The following MBNL2 variants were observed in gnomAD, a reference collection of about 807,000 sequenced individuals.
MBNL2 encodes the protein muscleblind-like protein 2.
Under a neutral mutation model 41.9 loss-of-function variants are expected in MBNL2, and 17 were observed. The observed-to-expected ratio is 0.41, with a 90% CI of 0.28 to 0.61. The LOEUF (loss-of-function observed/expected upper bound fraction) is 0.61, where lower values mean the gene tolerates loss of function less well. Ranked by LOEUF, MBNL2 falls within the 20% of genes least tolerant of loss-of-function variation. The probability of loss-of-function intolerance (pLI) is 0.35; values close to 1 mark genes in which losing one functional copy is unlikely to be tolerated. For missense variants in MBNL2, 336 were observed against 505.6 expected, an observed-to-expected ratio of 0.66 and a Z score of 3.22; for synonymous variants, 195 against 182.9, an observed-to-expected ratio of 1.07 and a Z score of -0.53.
chr13:97,384,216 A>G (rs925163836), intron 8 of MBNL2, among the ~76,000 whole-genome samples: 1 of 152,180 alleles, frequency 6.6e-6, no homozygotes, highest in Non-Finnish European at 1.5e-5. Context: ...TTAAAATTTT[A>G]TAGTCATGAA....
chr13:97,312,859 T>G (rs1458920039), intron 2 of MBNL2, among the ~76,000 whole-genome samples: 1 of 152,216 alleles, frequency 6.6e-6, no homozygotes, highest in Non-Finnish European at 1.5e-5. Context: ...CAATTAAAAA[T>G]TATATGTCTG....
intron 7 of MBNL2, among the ~76,000 whole-genome samples, chr13:97,358,572 A>G (rs2063166635): frequency 6.6e-6 from 1 of 152,218 alleles, no homozygotes; most frequent in Non-Finnish European, 1.5e-5. Context: ...TTGCACCGAC[A>G]TCTCTAACCA....
At chr13:97,309,984 G>A (rs541719701) in intron 2 of MBNL2, among the ~76,000 whole-genome samples, 27 of 152,294 alleles carry the variant, frequency 1.8e-4, no homozygotes, top group Middle Eastern at 3.4e-3. Context: ...TGCAAAAGGC[G>A]GAATATTGGT....
chr13:97,333,968 A>AAGGAAGGG (rs1202260153), intron 2 of MBNL2, among the ~76,000 whole-genome samples: 3 of 124,502 alleles, frequency 2.4e-5, no homozygotes, highest in African/African-American at 6.3e-5. Flanking sequence ...GGAAGGAAGG[A>AAGGAAGGG]AGGGAGGGAG....
At chr13:97,167,749 T>C in the MBNL2 span, among the ~76,000 whole-genome samples, 1 of 152,214 alleles carries the variant, frequency 6.6e-6, no homozygotes, top group Non-Finnish European at 1.5e-5. Context: ...CAGAGTCTTT[T>C]GTGCCTCATC....
the MBNL2 span, among the ~76,000 whole-genome samples, chr13:97,167,696 A>AT: frequency 3.3e-5 from 5 of 152,310 alleles, no homozygotes; most frequent in African/African-American, 4.8e-5. Flanking sequence ...CATTCTATAT[A>AT]TATCATAGGC....
At chr13:97,373,311 G>C (rs2064574858) in intron 8 of MBNL2, among the ~76,000 whole-genome samples, 1 of 152,072 alleles carries the variant, frequency 6.6e-6, no homozygotes. Context: ...CATTCTAACT[G>C]TAGAGGGGGG....
chr13:97,187,636 G>C, the MBNL2 span, among the ~76,000 whole-genome samples: 5 of 147,288 alleles, frequency 3.4e-5, no homozygotes, highest in Non-Finnish European at 7.5e-5. Context: ...GGCCGGGCGC[G>C]GTGGCTCACG....
chr13:97,177,148 G>A, the MBNL2 span, among the ~76,000 whole-genome samples: 5 of 152,086 alleles, frequency 3.3e-5, no homozygotes, highest in South Asian at 1.0e-3. Flanking sequence ...GACCAGCCTG[G>A]GAAACATGGA....
chr13:97,186,474 C>A, the MBNL2 span, among the ~76,000 whole-genome samples: 2 of 152,136 alleles, frequency 1.3e-5, no homozygotes, highest in African/African-American at 4.8e-5. Context: ...CCATCAGGAG[C>A]CCTGGTTAGA....
At chr13:97,155,470 T>A in the MBNL2 span, among the ~76,000 whole-genome samples, 2 of 151,134 alleles carry the variant, frequency 1.3e-5, no homozygotes. Flanking sequence ...TACGTATACA[T>A]GTGCCATGCT....
rs192650489 is a variant in MBNL2, at chr13:97,268,847, T to A, written c.-604-6785T>A. 1.3e-5 allele frequency among the ~76,000 whole-genome samples: 2 copies of A among 152,330 alleles called. No homozygotes were observed. Among genetic ancestry groups the A allele is most frequent in the African/African-American group, 4.8e-5 (2 of 41,592 alleles). ...ATGGAGAAATCAGTATTTACAGTTC[T>A]TGTGAATTAAGGAATAATGATACCT... On this transcript the variant is annotated intron_variant, in intron 1 of 8. Transcript: ENST00000679496. The surrounding 1 kb of genome is among the most constrained non-coding windows in gnomAD (Gnocchi z 4.6).
At chr13:97,303,645 A>G (rs1019062238) in intron 2 of MBNL2, among the ~76,000 whole-genome samples, 1 of 152,240 alleles carries the variant, frequency 6.6e-6, no homozygotes, top group Non-Finnish European at 1.5e-5. Flanking sequence ...TTCCTCTCTC[A>G]GGCCTTCCTG....
chr13:97,347,934 G>A (rs919271866), intron 5 of MBNL2, among the ~76,000 whole-genome samples: 1 of 152,180 alleles, frequency 6.6e-6, no homozygotes, highest in Admixed American at 6.5e-5. Context: ...ATTAACATTT[G>A]AGAAGCACCT....
At chr13:97,246,878 A>C (rs1566364495) in intron 1 of MBNL2, among the ~76,000 whole-genome samples, 2 of 152,154 alleles carry the variant, frequency 1.3e-5, no homozygotes, top group East Asian at 3.9e-4. Context: ...TAATATACTT[A>C]TTGCTGTTCT....
intron 2 of MBNL2, among the ~76,000 whole-genome samples, chr13:97,314,148 C>A (rs1393607977): frequency 1.3e-5 from 2 of 152,262 alleles, no homozygotes; most frequent in African/African-American, 2.4e-5. Flanking sequence ...CCCTCACTCA[C>A]TCTGCTCTAG....
At chr13:97,255,553 C>A (rs556852643) in intron 1 of MBNL2, among the ~76,000 whole-genome samples, 3 of 152,244 alleles carry the variant, frequency 2.0e-5, no homozygotes, top group African/African-American at 7.2e-5. Context: ...TGTGACTGTG[C>A]AGGAACTAAC....
chr13:97,218,440 C>CAAAACAAAAAAAAAAAAAAAAAAAAAA (rs55815508), upstream of MBNL2, among the ~76,000 whole-genome samples: 1 of 117,974 alleles, frequency 8.5e-6, no homozygotes, highest in Non-Finnish European at 1.7e-5. Context: ...CAAAACAAAA[C>CAAAACAAAAAAAAAAAAAAAAAAAAAA]AAAAAAAAAA....
intron 4 of MBNL2, among the ~76,000 whole-genome samples, chr13:97,344,267 A>G (rs922392182): frequency 6.6e-6 from 1 of 152,240 alleles, no homozygotes; most frequent in African/African-American, 2.4e-5. Context: ...TCAGAGCTGT[A>G]GAACTCATCT....
Sources: gnomAD v4.1 joint callset for allele counts (sites outside exome capture counted in the v4.1 genomes callset) on GRCh38, gnomAD v4.1.1 for gene constraint, Gnocchi (gnomAD v3.1) non-coding constraint, MANE v1.5 for transcripts, NCBI Gene and HGNC (gene_info 2026-07-23, HGNC 2026-07-21) for gene names.